EP400: variants seen among roughly 807,000 people sequenced by gnomAD.
The protein encoded by EP400 is E1A-binding protein p400.
A neutral mutation model predicts 354.1 loss-of-function variants in EP400; 105 were observed. The ratio of observed to expected loss-of-function variants is 0.30; its 90% CI spans 0.25 to 0.35. EP400 has a LOEUF of 0.35. Among genes scored for constraint, EP400 ranks in the 10% least tolerant of loss-of-function variants. The pLI, the probability that EP400 is intolerant of heterozygous loss-of-function variation, is 1.00. For missense variants in EP400, 3,280 were observed against 4,121.0 expected (o/e 0.80, Z 5.59); for synonymous variants, 1,646 against 1,716.9 (o/e 0.96, Z 1.02).
chr12:132,058,375 G>A (rs1361983475), intron 45 of EP400, among the ~76,000 whole-genome samples: 4 of 133,626 alleles, frequency 3.0e-5, no homozygotes, highest in Non-Finnish European at 6.1e-5. Flanking sequence ...TTTTTTTTGA[G>A]ACAGAGTCTC....
At position 132,018,873 on chromosome 12, in the gene EP400, G is replaced by A. The variant is rs1333631588; in HGVS notation, c.4277+497G>A. Among the ~76,000 whole-genome samples the A allele has an allele frequency of 1.3e-5, 2 of 152,124 alleles. No individual in the cohort carries two copies. The highest frequency in any genetic ancestry group is 4.8e-5 in the African/African-American group (2 of 41,414). ...GACTCATAGTCTAAATCTAGCAATT[G>A]GAAATATCCAAAATCCTATGCTTGG... On this transcript the variant is annotated intron_variant, in intron 21 of 52. Coordinates refer to ENST00000389561, the MANE Select transcript of EP400 (RefSeq NM_015409.5). This position sits in a 1 kb window ranked among gnomAD's most constrained non-coding sequence, Gnocchi z 4.0.
At chr12:132,033,009 G>A (rs1011211302) in intron 30 of EP400, among the ~76,000 whole-genome samples, 4 of 151,684 alleles carry the variant, frequency 2.6e-5, no homozygotes, top group African/African-American at 4.8e-5. Flanking sequence ...GTGCAATGGC[G>A]TGATCCTGGT....
rs1371599068 is a variant in EP400, at chr12:131,990,050, G to A, written c.2496G>A (p.Arg832=). 1.9e-6 allele frequency: 3 copies of A among 1,613,260 alleles called. No individual in the cohort carries two copies. The highest frequency in any genetic ancestry group is 1.7e-4 in the Middle Eastern group (1 of 6,052). The part of the protein sequence containing the change: ...GKKEEQSRLR[R]IAASTAREIE... Reference sequence around the variant, plus strand: ...AGGAAGAGCAGAGCAGACTGAGGCGGATAGCCGCCTCCACGGCCCGGGAGA... The same window carrying A: ...AGGAAGAGCAGAGCAGACTGAGGCGAATAGCCGCCTCCACGGCCCGGGAGA... Residue 832 remains arginine (R), a synonymous_variant, in exon 8 of 53, where the codon CGG becomes CGA. Transcript: ENST00000389561. This position sits in a 1 kb window ranked among gnomAD's most constrained non-coding sequence, Gnocchi z 4.2.
At chr12:132,023,715 A>G in intron 23 of EP400, 62 bp from the exon 24 acceptor site, 1 of 1,568,102 alleles carries the variant, frequency 6.4e-7, no homozygotes, top group Non-Finnish European at 8.7e-7. Flanking sequence ...GACTGTCAAT[A>G]TGACACTCCC....
In EP400 at chr12:132,078,427, A is replaced by T. The variant is rs573532672; in HGVS notation, c.*754A>T. 3 of 152,446 alleles carry T rather than the reference A, an allele frequency of 2.0e-5. No individual in the cohort carries two copies. Among genetic ancestry groups the T allele is most frequent in the African/African-American group, 7.2e-5 (3 of 41,598 alleles). The allele number at this position is 152,446 out of a possible 1,614,324, so 9.4% of individuals were successfully genotyped here. On this transcript the variant is annotated 3_prime_UTR_variant, in exon 53 of 53. Coordinates refer to ENST00000389561, the MANE Select transcript of EP400 (RefSeq NM_015409.5). ...CATTTAATGGAAACTTCTGGGACTGATGCCCAACTCAGTGCACTCAAGACG... is the reference window on the plus strand; with the variant it reads ...CATTTAATGGAAACTTCTGGGACTGTTGCCCAACTCAGTGCACTCAAGACG...
chr12:132,044,907 T>A lies in EP400; in HGVS notation c.6738T>A (p.Pro2246=), dbSNP rs747205693. The A allele has an allele frequency of 6.2e-7, 1 of 1,614,142 alleles. No individual in the cohort carries two copies. Among genetic ancestry groups the A allele is most frequent in the South Asian group, 1.1e-5 (1 of 91,084 alleles). ...CCATCCCAGAGGCTAAGCTGCCCCC[T>A]GTGTACGTGAGGAAGGAGCGGAAGC... is the stretch of plus-strand genomic sequence containing the variant. ...ATPIPEAKLP[P]VYVRKERKRH... is the part of the protein sequence containing the mutation. The change falls in exon 37 of 53, where the codon CCT becomes CCA. Residue 2246 remains proline (P), a synonymous_variant. Transcript: ENST00000389561.
At chr12:132,030,985 C>A (rs1317770632) in intron 29 of EP400, among the ~76,000 whole-genome samples, 1 of 152,214 alleles carries the variant, frequency 6.6e-6, no homozygotes, top group East Asian at 1.9e-4. Context: ...ATCTCACACA[C>A]ACGCTCATGT....
Position 132,018,292 on chromosome 12 carries a change from A to G in EP400, c.4193A>G (p.Lys1398Arg). 1.2e-6 allele frequency: 2 copies of G among 1,613,586 alleles called. No individual in the cohort carries two copies. The highest frequency in any genetic ancestry group is 1.7e-6 in the Non-Finnish European group (2 of 1,179,862). ...GAGGCAGAGTTGCTGTCTAAGAAAAAGATACCGCGGAAACTCATGGAGGAA... is the reference window on the plus strand; with the variant it reads ...GAGGCAGAGTTGCTGTCTAAGAAAAGGATACCGCGGAAACTCATGGAGGAA... ...RHEAELLSKK[K>R]IPRKLMEEIS... Residue 1398 changes from lysine (K) to arginine (R), a missense_variant, in exon 21 of 53, where the codon AAG (lysine) becomes AGG (arginine). Physicochemically the swap from Lys to Arg is conservative, Grantham distance 26 (BLOSUM62 2). Around this residue, in one of 20 missense-constraint regions of EP400, gnomAD observed 342 missense variants for 342.7 expected, o/e 1.00. Transcript: ENST00000389561. This position sits in a 1 kb window ranked among gnomAD's most constrained non-coding sequence, Gnocchi z 4.0.
At position 132,069,501 on chromosome 12, in the gene EP400, G is replaced by T. The variant is rs189173886; in HGVS notation, c.8881G>T (p.Ala2961Ser). Residue 2961 changes from alanine (A) to serine (S), a missense_variant, in exon 51 of 53, where the codon GCA (alanine) becomes TCA (serine). Coordinates refer to ENST00000389561, the MANE Select transcript of EP400 (RefSeq NM_015409.5). ...GPAAVQQKIT[A>S]QQITTPGAQQ... ...TTTCGCAGTCTCTCCCCAGATCACC[G>T]CACAGCAGATCACCACCCCTGGCGC... is the stretch of plus-strand genomic sequence containing the variant. The T allele has an allele frequency of 7.4e-6, 12 of 1,614,092 alleles. No homozygotes were observed. Among genetic ancestry groups the T allele is most frequent in the Non-Finnish European group, 9.3e-6 (11 of 1,179,962 alleles).
chr12:132,023,267 G>T (rs910539378), intron 23 of EP400, among the ~76,000 whole-genome samples: 2 of 145,256 alleles, frequency 1.4e-5, no homozygotes, highest in Non-Finnish European at 3.0e-5. Context: ...TGTGTAGCTC[G>T]GATTACAGGC....
At chr12:132,011,357 C>G (rs1026630384) in intron 15 of EP400, 141 bp from the exon 16 acceptor site, 1 of 1,014,138 alleles carries the variant, frequency 9.9e-7, no homozygotes, top group Non-Finnish European at 1.4e-6. Context: ...TGCACTTGTT[C>G]CCCCCCAAGT....
rs201761537 is a variant in EP400, at chr12:132,021,166, C to T, written c.4535C>T (p.Pro1512Leu). 974 of 1,601,162 alleles carry T rather than the reference C, an allele frequency of 6.1e-4. No individual in the cohort carries two copies. Among genetic ancestry groups the T allele is most frequent in the Middle Eastern group, 1.7e-3 (10 of 6,056 alleles). Residue 1512 changes from proline (P) to leucine (L), a missense_variant, in exon 23 of 53, where the codon CCG (proline) becomes CTG (leucine). Transcript: ENST00000389561. Reference sequence around the variant, plus strand: ...TCGGCCTCCAGCACAGCCGCTAGCCCGGCCCATCCTGCGAAACTGCGGGCC... The same window carrying T: ...TCGGCCTCCAGCACAGCCGCTAGCCTGGCCCATCCTGCGAAACTGCGGGCC... ...PASASSTAAS[P>L]AHPAKLRAQT...
Position 131,961,845 on chromosome 12 carries a change from A to C in EP400, c.1226A>C (p.Lys409Thr). 1 of 1,614,156 alleles carries C rather than the reference A, an allele frequency of 6.2e-7. No homozygotes were observed. Among genetic ancestry groups the C allele is most frequent in the Non-Finnish European group, 8.5e-7 (1 of 1,180,036 alleles). ...ATGGATTTCTTAGCTTTCAAGAAGA[A>C]ACATTATGCCCCATTACAAGCATAT... ...NMMDFLAFKK[K>T]HYAPLQAYLR... Residue 409 changes from lysine to threonine, a missense_variant, in exon 2 of 53, where the codon AAA becomes ACA. This residue lies in a region of EP400 where 800 missense variants were observed against 840.0 expected (regional missense o/e 0.95). Coordinates refer to ENST00000389561, the MANE Select transcript of EP400 (RefSeq NM_015409.5).
chr12:132,021,250 C>T lies in EP400; in HGVS notation c.4619C>T (p.Ser1540Leu), dbSNP rs1414107776. ...GQPPPQPQAP[S>L]HAAGQSALPQ... ...CCCCCGCCCCAGCCCCAGGCCCCCTCGCACGCGGCCGGGCAGAGCGCGCTG... is the reference window on the plus strand; with the variant it reads ...CCCCCGCCCCAGCCCCAGGCCCCCTTGCACGCGGCCGGGCAGAGCGCGCTG... The change falls in exon 23 of 53, where the codon TCG becomes TTG. Residue 1540 changes from serine to leucine, a missense_variant. Physicochemically the swap from Ser to Leu is moderately radical, Grantham distance 145. This residue lies in a region of EP400 where 342 missense variants were observed against 342.7 expected (regional missense o/e 1.00). Coordinates refer to ENST00000389561, the MANE Select transcript of EP400 (RefSeq NM_015409.5). The T allele has an allele frequency of 4.5e-6, 7 of 1,544,790 alleles. No individual in the cohort carries two copies. Among genetic ancestry groups the T allele is most frequent in the African/African-American group, 2.7e-5 (2 of 73,716 alleles).
At chr12:131,997,539 AGCCATCGT>A (rs2136512414) in intron 12 of EP400, among the ~76,000 whole-genome samples, 1 of 152,284 alleles carries the variant, frequency 6.6e-6, no homozygotes, top group African/African-American at 2.4e-5. Context: ...TACAGGTGTG[AGCCATCGT>A]GCCTGGCCTA....
At position 132,037,851 on chromosome 12, in the gene EP400, G is replaced by T. The variant is rs920617132; in HGVS notation, c.6063+58G>T. 6 of 1,611,634 alleles carry T rather than the reference G, an allele frequency of 3.7e-6. No individual in the cohort carries two copies. The African/African-American group carries it at 5.3e-5, about 14-fold the overall frequency. ...GACCCGCCATGCGGCGCGTGGAATC[G>T]CATGGTGTTAGTGCACACTAGCAAG... On this transcript the variant is annotated intron_variant, in intron 31 of 52. Transcript: ENST00000389561.
intron 48 of EP400, 91 bp downstream of exon 48, chr12:132,064,977 TAC>T: frequency 6.7e-7 from 1 of 1,502,382 alleles, no homozygotes; most frequent in South Asian, 1.3e-5. Flanking sequence ...TGTCACGTGT[TAC>T]AGGAGTGAGT....
At chr12:132,007,578 C>T (rs957131450) in intron 15 of EP400, among the ~76,000 whole-genome samples, 2 of 152,238 alleles carry the variant, frequency 1.3e-5, no homozygotes, top group African/African-American at 2.4e-5. Context: ...TGCTCTGTGC[C>T]TAGCTGCAGA....
chr12:131,960,795 A>T lies in EP400; in HGVS notation c.176A>T (p.Gln59Leu). The T allele has an allele frequency of 6.2e-7, 1 of 1,612,594 alleles. No homozygotes were observed. Among genetic ancestry groups the T allele is most frequent in the Non-Finnish European group, 8.5e-7 (1 of 1,179,896 alleles). ...SAPQSPSYQIQQLMNRSPATG... is the reference protein window; with the variant it reads ...SAPQSPSYQILQLMNRSPATG... ...CCCCAGTCTCCCAGTTATCAAATAC[A>T]GCAGCTGATGAATAGGAGCCCTGCA... is the stretch of plus-strand genomic sequence containing the variant. Residue 59 changes from glutamine to leucine, a missense_variant, in exon 2 of 53, where the codon CAG (glutamine) becomes CTG (leucine). Gln to Leu is a moderately radical substitution (Grantham distance 113). Around this residue, in one of 20 missense-constraint regions of EP400, gnomAD observed 172 missense variants for 242.9 expected, o/e 0.71. Transcript: ENST00000389561.
Sources: gnomAD v4.1 joint callset for allele counts (sites outside exome capture counted in the v4.1 genomes callset) on GRCh38, gnomAD v4.1.1 for gene constraint, gnomAD v4.1.1 regional missense constraint, Gnocchi (gnomAD v3.1) non-coding constraint, MANE v1.5 for transcripts, NCBI Gene and HGNC (gene_info 2026-07-23, HGNC 2026-07-21) for gene names.